NRXN3: variants seen among roughly 807,000 people sequenced by gnomAD.
NRXN3 encodes neurexin 3.
Under a neutral mutation model 137.6 loss-of-function variants are expected in NRXN3, and 32 were observed. That is an observed-to-expected ratio of 0.23 (90% CI 0.18 to 0.31). The LOEUF is 0.31. NRXN3 is among the 10% of genes least tolerant of loss of function. The pLI is 1.00. For missense variants in NRXN3, 1,574 were observed against 2,062.5 expected, an observed-to-expected ratio of 0.76 and a Z score of 4.59; for synonymous variants, 798 against 784.5, an observed-to-expected ratio of 1.02 and a Z score of -0.29.
chr14:79,318,301 C>G (rs1422636504), intron 15 of NRXN3, among the ~76,000 whole-genome samples: 5 of 152,214 alleles, frequency 3.3e-5, no homozygotes, highest in African/African-American at 1.2e-4. Flanking sequence ...TCGATGCATG[C>G]AAAGGCAAGC....
intron 15 of NRXN3, among the ~76,000 whole-genome samples, chr14:79,257,550 G>A (rs953878178): frequency 6.6e-5 from 7 of 106,708 alleles, no homozygotes; most frequent in African/African-American, 1.5e-4. Flanking sequence ...GGTGGTGGTG[G>A]TGGTGGTGAT....
chr14:79,157,024 T>C (rs1259123567), intron 15 of NRXN3, among the ~76,000 whole-genome samples: 2 of 151,796 alleles, frequency 1.3e-5, no homozygotes, highest in African/African-American at 4.8e-5. Context: ...TAACCACAGC[T>C]AGAGATTACC....
intron 4 of NRXN3, among the ~76,000 whole-genome samples, chr14:78,368,699 GAAC>G (rs1260136026): frequency 2.0e-5 from 3 of 152,084 alleles, no homozygotes; most frequent in Admixed American, 6.6e-5. Context: ...CCATCTCAAA[GAAC>G]AACAACAACA....
intron 15 of NRXN3, among the ~76,000 whole-genome samples, chr14:79,176,569 C>G (rs1003382439): frequency 1.4e-4 from 21 of 152,214 alleles, no homozygotes; most frequent in African/African-American, 4.1e-4. Flanking sequence ...TCTAGCCATG[C>G]TGGATTGTTT....
chr14:78,568,989 A>G (rs1322933576), intron 4 of NRXN3, among the ~76,000 whole-genome samples: 2 of 113,038 alleles, frequency 1.8e-5, no homozygotes, highest in East Asian at 2.4e-4. Context: ...TTTTTTTGAG[A>G]CAGGGTCTCA....
chr14:78,837,756 A>T (rs1422140336), intron 10 of NRXN3, among the ~76,000 whole-genome samples: 11 of 152,138 alleles, frequency 7.2e-5, no homozygotes, highest in Admixed American at 7.2e-4. Flanking sequence ...CACATCAGTT[A>T]TTTGGGCTTC....
intron 15 of NRXN3, among the ~76,000 whole-genome samples, chr14:79,093,322 A>G (rs1035154713): frequency 9.9e-5 from 15 of 152,208 alleles, no homozygotes; most frequent in African/African-American, 3.4e-4. Context: ...AGTGCTACCC[A>G]GAAAACGTAA....
intron 19 of NRXN3, among the ~76,000 whole-genome samples, chr14:79,780,385 G>A (rs957925082): frequency 1.3e-5 from 2 of 151,972 alleles, no homozygotes; most frequent in African/African-American, 4.8e-5. Context: ...CAGATCACAA[G>A]GTCAGGAGAT....
chr14:79,383,212 G>T (rs1180976706), intron 15 of NRXN3, among the ~76,000 whole-genome samples: 1 of 152,014 alleles, frequency 6.6e-6, no homozygotes, highest in African/African-American at 2.4e-5. Flanking sequence ...TGGGGTGTAG[G>T]GAAATATAAA....
intron 10 of NRXN3, among the ~76,000 whole-genome samples, chr14:78,838,904 G>C (rs1371820544): frequency 6.6e-6 from 1 of 152,138 alleles, no homozygotes; most frequent in Non-Finnish European, 1.5e-5. Context: ...GTCCAAAAGA[G>C]ATGAAGCTCA....
chr14:79,810,489 T>C (rs888185449), intron 20 of NRXN3, among the ~76,000 whole-genome samples: 8 of 152,342 alleles, frequency 5.3e-5, no homozygotes, highest in Admixed American at 2.0e-4. Flanking sequence ...GGCAGTAATA[T>C]GAGATGACAA....
intron 4 of NRXN3, among the ~76,000 whole-genome samples, chr14:78,498,763 G>C (rs1230519931): frequency 2.0e-5 from 3 of 151,828 alleles, no homozygotes; most frequent in African/African-American, 7.3e-5. Flanking sequence ...TCTGGAGCTA[G>C]AATGCCTGGG....
chr14:79,531,419 G>A (rs979132731), intron 16 of NRXN3, among the ~76,000 whole-genome samples: 2 of 152,180 alleles, frequency 1.3e-5, no homozygotes, highest in Non-Finnish European at 2.9e-5. Context: ...ATATATACCT[G>A]TTAATAGTAG....
At chr14:78,536,494 A>G (rs550474563) in intron 4 of NRXN3, among the ~76,000 whole-genome samples, 2 of 152,322 alleles carry the variant, frequency 1.3e-5, no homozygotes, top group South Asian at 4.1e-4. Flanking sequence ...AGATCTCGAT[A>G]CCAGGATTTG....
At chr14:79,844,953 A>G (rs963837143) in intron 20 of NRXN3, among the ~76,000 whole-genome samples, 3 of 152,186 alleles carry the variant, frequency 2.0e-5, no homozygotes, top group African/African-American at 7.2e-5. Flanking sequence ...AGCCACTTTG[A>G]TCAGTTATCT....
intron 3 of NRXN3, among the ~76,000 whole-genome samples, chr14:78,283,895 C>G (rs1336721434): frequency 6.6e-6 from 1 of 152,142 alleles, no homozygotes; most frequent in East Asian, 1.9e-4. Context: ...CAATCTGGCT[C>G]CTTATTAAAC....
intron 16 of NRXN3, among the ~76,000 whole-genome samples, chr14:79,654,491 G>C (rs1023414608): frequency 2.0e-5 from 3 of 152,116 alleles, no homozygotes; most frequent in Admixed American, 2.0e-4. Context: ...CATGGAAGCA[G>C]CCAAAGATAA....
At chr14:78,531,651 G>A (rs1485019847) in intron 4 of NRXN3, among the ~76,000 whole-genome samples, 1 of 152,034 alleles carries the variant, frequency 6.6e-6, no homozygotes, top group African/African-American at 2.4e-5. Context: ...TCCTGTGTTG[G>A]CCTTTTAGAG....
At chr14:78,188,359 C>G (rs974341988) in intron 1 of NRXN3, among the ~76,000 whole-genome samples, 3 of 152,086 alleles carry the variant, frequency 2.0e-5, no homozygotes, top group African/African-American at 7.2e-5. Context: ...CCACCTGGAG[C>G]GCAGATGTGA....
Sources: gnomAD v4.1 joint callset for allele counts (sites outside exome capture counted in the v4.1 genomes callset) on GRCh38, gnomAD v4.1.1 for gene constraint, MANE v1.5 for transcripts, NCBI Gene and HGNC (gene_info 2026-07-23, HGNC 2026-07-21) for gene names.